The following ASB3 variants were observed in gnomAD, a reference collection of about 807,000 sequenced individuals.
ASB3 encodes the protein ankyrin repeat and SOCS box protein 3.
ASB3 carries 41 observed loss-of-function variants against 54.5 expected under a neutral mutation model. That is an observed-to-expected ratio of 0.75 (90% CI 0.59 to 0.98). The LOEUF (loss-of-function observed/expected upper bound fraction) is 0.98. ASB3 is among the 50% of genes least tolerant of loss of function. The probability of loss-of-function intolerance (pLI) is 0.00; values close to 1 mark genes in which losing one functional copy is unlikely to be tolerated. For missense variants in ASB3, 733 were observed against 620.0 expected (o/e 1.18, Z -1.94); for synonymous variants, 266 against 221.2 (o/e 1.20, Z -1.80).
chr2:53,682,122 T>C (rs570493805), intron 9 of ASB3, among the ~76,000 whole-genome samples: 15 of 148,256 alleles, frequency 1.0e-4, no homozygotes, highest in South Asian at 4.3e-4. Context: ...ATCATGCCAC[T>C]GCACTTCAGC....
intron 9 of ASB3, among the ~76,000 whole-genome samples, chr2:53,678,510 T>G (rs922635970): frequency 1.3e-5 from 2 of 152,202 alleles, no homozygotes; most frequent in East Asian, 3.8e-4. Flanking sequence ...AGTGGTTAAA[T>G]TAAAACTACA....
At chr2:53,710,415 T>C (rs1216642846) in intron 7 of ASB3, among the ~76,000 whole-genome samples, 1 of 152,248 alleles carries the variant, frequency 6.6e-6, no homozygotes, top group Non-Finnish European at 1.5e-5. Context: ...GTTAGCCTCA[T>C]GAAGCACCAT....
intron 7 of ASB3, among the ~76,000 whole-genome samples, chr2:53,714,077 T>C (rs1670255568): frequency 6.6e-6 from 1 of 152,208 alleles, no homozygotes; most frequent in Admixed American, 6.5e-5. Flanking sequence ...TTTTAATTCT[T>C]GAATTGTTTT....
intron 5 of ASB3, among the ~76,000 whole-genome samples, chr2:53,719,953 G>A (rs990204526): frequency 2.0e-5 from 3 of 152,230 alleles, no homozygotes; most frequent in South Asian, 2.1e-4. Flanking sequence ...ACTGCTTAGC[G>A]CAACCCTGCC....
At chr2:53,695,390 C>T (rs1669130327) in intron 8 of ASB3, among the ~76,000 whole-genome samples, 1 of 152,052 alleles carries the variant, frequency 6.6e-6, no homozygotes, top group Non-Finnish European at 1.5e-5. Context: ...ATCAGAAATA[C>T]TGAGGATAAA....
intron 2 of ASB3, among the ~76,000 whole-genome samples, chr2:53,755,989 C>A (rs1672800446): frequency 6.7e-6 from 1 of 149,732 alleles, no homozygotes; most frequent in Non-Finnish European, 1.5e-5. Context: ...CCCCCCCCCA[C>A]CTCTACAAAA....
intron 9 of ASB3, among the ~76,000 whole-genome samples, chr2:53,685,887 C>T (rs2103689637): frequency 6.6e-6 from 1 of 152,226 alleles, no homozygotes; most frequent in Non-Finnish European, 1.5e-5. Context: ...TCTTAAAATT[C>T]CACAATCTCC....
rs1572897904 is a variant in ASB3 at position 53,717,069 on chromosome 2, C to A, written c.605-326G>T. On this transcript the variant is annotated intron_variant, in intron 5 of 9. Coordinates refer to ENST00000263634, the MANE Select transcript of ASB3 (RefSeq NM_016115.5). The stretch of plus-strand genomic sequence containing the variant: ...CTGTCTCTATCAAAAATAAAAAGGT[C>A]TTGCCTCTACGTCAGCAAGAAAACA... Among the ~76,000 whole-genome samples the A allele has an allele frequency of 4.6e-5, 7 of 152,240 alleles. 2 individuals are homozygous for A. The highest frequency in any genetic ancestry group is 4.6e-4 in the Admixed American group (7 of 15,286).
At chr2:53,721,557 G>A (rs1156863251) in intron 5 of ASB3, among the ~76,000 whole-genome samples, 2 of 152,114 alleles carry the variant, frequency 1.3e-5, no homozygotes, top group South Asian at 2.1e-4. Flanking sequence ...GCGATAGAGT[G>A]AGACTCTGTC....
Position 53,728,789 on chromosome 2 carries a change from T to C in ASB3, c.527A>G (p.Asp176Gly). ...LRKGANKECQ[D>G]DFGITPLFVA... Reference sequence around the variant, plus strand: ...AAATAAAGGTGTGATTCCAAAGTCATCCTGGCATTCCTTGTTTGCTCCTTT... The same window carrying C: ...AAATAAAGGTGTGATTCCAAAGTCACCCTGGCATTCCTTGTTTGCTCCTTT... Residue 176 changes from aspartate to glycine, a missense_variant, in exon 5 of 10, where the codon GAT (aspartate) becomes GGT (glycine). Coordinates refer to ENST00000263634, the MANE Select transcript of ASB3 (RefSeq NM_016115.5). 6.2e-7 allele frequency: 1 copy of C among 1,612,806 alleles called. No homozygotes were observed. The highest frequency in any genetic ancestry group is 8.5e-7 in the Non-Finnish European group (1 of 1,179,288).
At chr2:53,771,780 C>T in intron 1 of ASB3, 1 of 693,136 alleles carries the variant, frequency 1.4e-6, no homozygotes, top group South Asian at 1.7e-5. Flanking sequence ...AATAACTATG[C>T]TTAAGAAATA....
Position 53,699,463 on chromosome 2 carries a change from T to C in ASB3, c.1238+808A>G, listed in dbSNP as rs549102347. On this transcript the variant is annotated intron_variant, in intron 8 of 9. Coordinates refer to ENST00000263634, the MANE Select transcript of ASB3 (RefSeq NM_016115.5). ...ATCGAATCAGAGTTAATAGCTTTGG[T>C]AGAAAAACACAAGGAGTGTTTCTAA... Among the ~76,000 whole-genome samples, 10 of 152,326 alleles carry C rather than the reference T, an allele frequency of 6.6e-5. No homozygotes were observed. In the South Asian group the frequency reaches 1.7e-3, roughly 25 times the overall value.
chr2:53,719,753 G>T (rs565847898), intron 5 of ASB3, among the ~76,000 whole-genome samples: 2 of 152,222 alleles, frequency 1.3e-5, no homozygotes, highest in South Asian at 2.1e-4. Context: ...CCCTTCTCAG[G>T]TTTTATCTAA....
chr2:53,695,226 A>T (rs988229473), intron 8 of ASB3, among the ~76,000 whole-genome samples: 2 of 152,188 alleles, frequency 1.3e-5, no homozygotes, highest in Non-Finnish European at 2.9e-5. Context: ...TGGAGTCAAA[A>T]TATCTTTGAA....
chr2:53,717,080 G>A (rs950852255), intron 5 of ASB3, among the ~76,000 whole-genome samples: 1 of 152,100 alleles, frequency 6.6e-6, no homozygotes, highest in Non-Finnish European at 1.5e-5. Context: ...TTGCCTCTAC[G>A]TCAGCAAGAA....
At chr2:53,691,289 T>G (rs964003107) in intron 9 of ASB3, among the ~76,000 whole-genome samples, 1 of 152,128 alleles carries the variant, frequency 6.6e-6, no homozygotes, top group Non-Finnish European at 1.5e-5. Flanking sequence ...TTTGACCAAG[T>G]ACATGGCATC....
At chr2:53,705,867 T>A (rs1669740062) in intron 7 of ASB3, among the ~76,000 whole-genome samples, 1 of 152,186 alleles carries the variant, frequency 6.6e-6, no homozygotes, top group Non-Finnish European at 1.5e-5. Context: ...AAAAGCTAGT[T>A]GCCCAGAGAG....
At chr2:53,683,874 G>A (rs996894894) in intron 9 of ASB3, among the ~76,000 whole-genome samples, 4 of 151,920 alleles carry the variant, frequency 2.6e-5, no homozygotes, top group African/African-American at 9.7e-5. Context: ...ATGTTCGTTA[G>A]TTTTGTGTAT....
At position 53,728,693 on chromosome 2, in the gene ASB3, G is replaced by C. The variant is rs1558543285; in HGVS notation, c.604+19C>G. ...AAGCTCATGATCTTAACAGTACAAA[G>C]GCTAATGGATAATCTTACCCGATGA... On this transcript the variant is annotated intron_variant, in intron 5 of 9. Transcript: ENST00000263634. 4.4e-6 allele frequency: 7 copies of C among 1,576,262 alleles called. No individual in the cohort carries two copies. Among genetic ancestry groups the C allele is most frequent in the African/African-American group, 1.4e-5 (1 of 73,658 alleles).
Sources: allele counts gnomAD v4.1 joint callset (sites outside exome capture counted in the v4.1 genomes callset), GRCh38; gene constraint gnomAD v4.1.1; transcripts MANE v1.5; gene names NCBI Gene and HGNC (gene_info 2026-07-23, HGNC 2026-07-21).